Variants in TPO observed in about 807,000 individuals in gnomAD.
TPO encodes the protein thyroid peroxidase, also known as thyroid microsomal antigen.
A neutral mutation model predicts 96.9 loss-of-function variants in TPO; 78 were observed. The observed-to-expected ratio is 0.81, with a 90% CI of 0.67 to 0.97. The LOEUF is 0.97. Ranked by LOEUF, TPO falls within the 50% of genes least tolerant of loss-of-function variation. The pLI is 0.00. For synonymous variants in TPO, 547 were observed against 538.0 expected (o/e 1.02, Z -0.23); for missense variants, 1,252 against 1,274.8 (o/e 0.98, Z 0.27).
At chr2:1,439,039 A>G in intron 5 of TPO, 1 of 547,768 alleles carries the variant, frequency 1.8e-6, no homozygotes, top group Non-Finnish European at 3.3e-6. Flanking sequence ...TCACTCAAAA[A>G]AAACTCTTTA....
At chr2:1,468,788 C>T (rs1032969256) in intron 7 of TPO, among the ~76,000 whole-genome samples, 1 of 152,172 alleles carries the variant, frequency 6.6e-6, no homozygotes, top group Non-Finnish European at 1.5e-5. Flanking sequence ...TCGATTATTC[C>T]CCAAAATAAA....
chr2:1,405,451 C>G (rs1467098196), intron 1 of TPO, among the ~76,000 whole-genome samples: 1 of 151,888 alleles, frequency 6.6e-6, no homozygotes, highest in Non-Finnish European at 1.5e-5. Flanking sequence ...ATCTACTCAT[C>G]TATCCATCCA....
At chr2:1,396,546 G>C (rs926274106) in intron 1 of TPO, among the ~76,000 whole-genome samples, 20 of 152,222 alleles carry the variant, frequency 1.3e-4, no homozygotes, top group African/African-American at 4.8e-4. Flanking sequence ...CCATTGACTT[G>C]CAGAAAGGAC....
At chr2:1,443,965 CG>C (rs1666487803) in intron 5 of TPO, among the ~76,000 whole-genome samples, 1 of 92,750 alleles carries the variant, frequency 1.1e-5, no homozygotes, top group Non-Finnish European at 2.0e-5. Context: ...TGGAAGGGAA[CG>C]GGGCAGGCTC....
At chr2:1,479,538 C>G (rs538481322) in intron 8 of TPO, among the ~76,000 whole-genome samples, 1 of 152,180 alleles carries the variant, frequency 6.6e-6, no homozygotes, top group Non-Finnish European at 1.5e-5. Flanking sequence ...CCCTGGAGCC[C>G]GTTCACAGAG....
chr2:1,514,082 C>G (rs1205671363), intron 14 of TPO, among the ~76,000 whole-genome samples: 3 of 152,176 alleles, frequency 2.0e-5, no homozygotes, highest in Non-Finnish European at 4.4e-5. Flanking sequence ...GTCCCAGGAT[C>G]TGCTGTCTGC....
chr2:1,467,322 C>G, intron 7 of TPO, among the ~76,000 whole-genome samples: 1 of 152,202 alleles, frequency 6.6e-6, no homozygotes, highest in East Asian at 1.9e-4. Flanking sequence ...CCAGACTGGT[C>G]TTGAATTCCT....
At chr2:1,415,800 G>T (rs568815671) in intron 2 of TPO, among the ~76,000 whole-genome samples, 1 of 152,340 alleles carries the variant, frequency 6.6e-6, no homozygotes, top group Non-Finnish European at 1.5e-5. Context: ...AGTCCTCGCT[G>T]TTCCCAGCCA....
intron 14 of TPO, among the ~76,000 whole-genome samples, chr2:1,514,229 G>A (rs1674452592): frequency 6.6e-6 from 1 of 152,136 alleles, no homozygotes; most frequent in Non-Finnish European, 1.5e-5. Context: ...TGCTCTACTG[G>A]GGCCCTGGAA....
At chr2:1,439,561 C>A (rs557396143) in intron 5 of TPO, among the ~76,000 whole-genome samples, 6 of 152,202 alleles carry the variant, frequency 3.9e-5, no homozygotes, top group African/African-American at 1.4e-4. Context: ...CCCAAACAAG[C>A]AGACTTTTAG....
chr2:1,460,637 C>T (rs892733309), intron 7 of TPO, among the ~76,000 whole-genome samples: 2 of 152,142 alleles, frequency 1.3e-5, no homozygotes, highest in Non-Finnish European at 2.9e-5. Flanking sequence ...GAAATGAGAT[C>T]GAATTTGCAA....
intron 10 of TPO, among the ~76,000 whole-genome samples, chr2:1,492,586 C>T (rs1187325709): frequency 2.6e-5 from 4 of 152,218 alleles, no homozygotes; most frequent in Non-Finnish European, 5.9e-5. Context: ...GCATCCCCTT[C>T]CCAGACCAAC....
At chr2:1,515,364 C>A (rs1320892369) in intron 14 of TPO, among the ~76,000 whole-genome samples, 4 of 152,196 alleles carry the variant, frequency 2.6e-5, no homozygotes, top group African/African-American at 9.7e-5. Flanking sequence ...CTCAGGTTGC[C>A]CTGCAGACTC....
Position 1,537,031 on chromosome 2 carries a change from TACCCCCACTGTGTGCAACC to T in TPO, c.2619-3562_2619-3544del, listed in dbSNP as rs1558439794. ...CCCCACTGTGTGCAACGTCCTCAAA[TACCCCCACTGTGTGCAACC>T]TCCCCAAATCCCTGCCACTGTGTGC... is the stretch of plus-strand genomic sequence containing the variant. On this transcript the variant is annotated intron_variant, in intron 15 of 16. Transcript: ENST00000329066. Among the ~76,000 whole-genome samples the T allele has an allele frequency of 4.8e-3, 59 of 12,218 alleles. 3 individuals carry two copies. Among genetic ancestry groups the T allele is most frequent in the African/African-American group, 0.021 (23 of 1,084 alleles). The allele number at this position is 12,218 out of a possible 152,430, so 8.0% of individuals were successfully genotyped here.
intron 15 of TPO, among the ~76,000 whole-genome samples, chr2:1,522,790 ACC>A (rs1675467901): frequency 4.9e-5 from 1 of 20,478 alleles, no homozygotes; most frequent in African/African-American, 1.9e-4. Flanking sequence ...CTCAAATCCC[ACC>A]ACTGTGTGCA....
chr2:1,448,657 T>C (rs1158492305), intron 5 of TPO, among the ~76,000 whole-genome samples: 10 of 152,188 alleles, frequency 6.6e-5, no homozygotes, highest in African/African-American at 2.4e-4. Context: ...AACAGCCCAG[T>C]GTGTTTTTCC....
intron 15 of TPO, among the ~76,000 whole-genome samples, chr2:1,523,219 C>T (rs539161269): frequency 9.6e-6 from 1 of 104,622 alleles, no homozygotes; most frequent in South Asian, 3.9e-4. Context: ...CAAATCCCCC[C>T]ACTTTGAGCA....
intron 14 of TPO, among the ~76,000 whole-genome samples, chr2:1,504,424 A>G (rs1411202429): frequency 6.6e-6 from 1 of 151,798 alleles, no homozygotes; most frequent in African/African-American, 2.4e-5. Context: ...CCCATCCATC[A>G]CCTCTCCTCC....
intron 9 of TPO, among the ~76,000 whole-genome samples, chr2:1,486,628 C>A (rs1022461672): frequency 2.6e-5 from 4 of 152,164 alleles, no homozygotes; most frequent in African/African-American, 7.2e-5. Flanking sequence ...TGATGGGTTA[C>A]CTTTGGAAGT....
Sources: allele counts gnomAD v4.1 joint callset (sites outside exome capture counted in the v4.1 genomes callset), GRCh38; gene constraint gnomAD v4.1.1; transcripts MANE v1.5; gene names NCBI Gene and HGNC (gene_info 2026-07-23, HGNC 2026-07-21).